Variants in RGPD2 observed in about 807,000 individuals in gnomAD.
RGPD2 encodes RANBP2 like and GRIP domain containing 2.
Under a neutral mutation model 36.0 loss-of-function variants are expected in RGPD2, and 2 were observed. The observed-to-expected ratio is 0.06, with a 90% CI of 0.02 to 0.17. RGPD2 has a LOEUF of 0.17. RGPD2 is among the 10% of genes least tolerant of loss of function. RGPD2 has a pLI of 1.00. For missense variants in RGPD2, 40 were observed against 464.3 expected (o/e 0.09, Z 8.40); for synonymous variants, 19 against 163.8 (o/e 0.12, Z 6.75).
the RGPD2 span, among the ~76,000 whole-genome samples, chr2:87,857,774 T>TAAAAAA: frequency 1.9e-4 from 24 of 123,438 alleles, no homozygotes; most frequent in African/African-American, 8.7e-4. Context: ...CCATCTCTAC[T>TAAAAAA]AAAAAAAAAA....
chr2:87,921,277 C>T, the RGPD2 span, among the ~76,000 whole-genome samples: 4 of 152,106 alleles, frequency 2.6e-5, no homozygotes, highest in African/African-American at 9.7e-5. Context: ...ACTGAATGAA[C>T]AAATAAGCCC....
chr2:87,978,918 TAA>T, the RGPD2 span, among the ~76,000 whole-genome samples: 2 of 129,826 alleles, frequency 1.5e-5, no homozygotes, highest in African/African-American at 3.1e-5. Context: ...CCCCGTCTCT[TAA>T]AAAAAAAAAA....
chr2:87,881,714 T>A, the RGPD2 span, among the ~76,000 whole-genome samples: 1 of 149,546 alleles, frequency 6.7e-6, no homozygotes, highest in Middle Eastern at 3.5e-3. Flanking sequence ...TTGCCCATTA[T>A]CCAGTTCCAA....
At chr2:87,869,999 CTTTGAAATATGT>C in the RGPD2 span, among the ~76,000 whole-genome samples, 39 of 152,198 alleles carry the variant, frequency 2.6e-4, no homozygotes, top group Non-Finnish European at 1.2e-4. Context: ...ATTACAGTAT[CTTTGAAATATGT>C]TTTGAACTCT....
chr2:87,961,375 G>A, the RGPD2 span, among the ~76,000 whole-genome samples: 301 of 151,862 alleles, frequency 2.0e-3, no homozygotes, highest in Non-Finnish European at 3.0e-3. Flanking sequence ...AGCTGCACTC[G>A]GCCGGGCTCT....
At chr2:87,938,232 A>T in the RGPD2 span, among the ~76,000 whole-genome samples, 2 of 151,938 alleles carry the variant, frequency 1.3e-5, no homozygotes, top group South Asian at 2.1e-4. Context: ...GACAATTAGT[A>T]AAAGGTTATA....
chr2:87,933,855 A>G, the RGPD2 span, among the ~76,000 whole-genome samples: 4 of 126,266 alleles, frequency 3.2e-5, no homozygotes, highest in Admixed American at 2.4e-4. Context: ...TCTTCCTTGC[A>G]TTGGGTTACA....
chr2:87,855,071 T>C, the RGPD2 span, among the ~76,000 whole-genome samples: 1 of 152,094 alleles, frequency 6.6e-6, no homozygotes, highest in African/African-American at 2.4e-5. Context: ...TTAGCAAATT[T>C]CAAGTATACG....
At chr2:87,854,472 C>A in the RGPD2 span, among the ~76,000 whole-genome samples, 231 of 127,408 alleles carry the variant, frequency 1.8e-3, 7 homozygotes, top group East Asian at 0.051. Context: ...TCTGTATAAA[C>A]CGGAATGGCA....
chr2:87,902,356 T>A, the RGPD2 span, among the ~76,000 whole-genome samples: 2 of 151,916 alleles, frequency 1.3e-5, no homozygotes, highest in African/African-American at 4.8e-5. Flanking sequence ...ATGGTTGTCC[T>A]CCAGGTGGTA....
At chr2:87,864,379 C>T in the RGPD2 span, among the ~76,000 whole-genome samples, 3 of 152,266 alleles carry the variant, frequency 2.0e-5, no homozygotes, top group Admixed American at 6.5e-5. Flanking sequence ...TTCCTCTGGT[C>T]ACTGGGCCTT....
chr2:87,968,436 C>T, the RGPD2 span, among the ~76,000 whole-genome samples: 6 of 142,642 alleles, frequency 4.2e-5, no homozygotes, highest in African/African-American at 1.1e-4. Context: ...TTTAGCCGGG[C>T]GTGGTGGTGT....
chr2:87,988,541 A>ATATATATATT, the RGPD2 span, among the ~76,000 whole-genome samples: 80 of 54,150 alleles, frequency 1.5e-3, 1 homozygote, highest in Middle Eastern at 0.012. Context: ...ATATATATAT[A>ATATATATATT]TTTTTTTTTT....
chr2:87,922,292 C>CAAAAAAAA, the RGPD2 span, among the ~76,000 whole-genome samples: 1 of 84,694 alleles, frequency 1.2e-5, no homozygotes, highest in Non-Finnish European at 2.1e-5. Flanking sequence ...GACTTCGTCT[C>CAAAAAAAA]AAAAAAAAAA....
chr2:87,882,646 G>T, the RGPD2 span, among the ~76,000 whole-genome samples: 1 of 152,186 alleles, frequency 6.6e-6, no homozygotes, highest in African/African-American at 2.4e-5. Context: ...TTGGAATTTT[G>T]ATACGGATTC....
At chr2:87,877,873 T>C in the RGPD2 span, among the ~76,000 whole-genome samples, 4 of 151,828 alleles carry the variant, frequency 2.6e-5, no homozygotes, top group South Asian at 4.2e-4. Context: ...ATTTGGCTTT[T>C]AGAGTTTCTG....
At chr2:87,937,930 G>A in the RGPD2 span, among the ~76,000 whole-genome samples, 3 of 151,852 alleles carry the variant, frequency 2.0e-5, no homozygotes, top group Admixed American at 2.0e-4. Flanking sequence ...GGTGATACTG[G>A]TTTCCTTAGC....
the RGPD2 span, among the ~76,000 whole-genome samples, chr2:87,864,783 C>T: frequency 1.3e-5 from 2 of 152,182 alleles, no homozygotes; most frequent in African/African-American, 4.8e-5. Context: ...ACCTTTTGAC[C>T]ATTTTCCAGT....
the RGPD2 span, among the ~76,000 whole-genome samples, chr2:87,870,673 C>T: frequency 6.6e-6 from 1 of 152,162 alleles, no homozygotes; most frequent in Non-Finnish European, 1.5e-5. Flanking sequence ...TCCTTTGCAG[C>T]TACACTGACT....
Sources: allele counts gnomAD v4.1 joint callset (sites outside exome capture counted in the v4.1 genomes callset), GRCh38; gene constraint gnomAD v4.1.1; transcripts MANE v1.5; gene names NCBI Gene and HGNC (gene_info 2026-07-23, HGNC 2026-07-21).